The following DPP6 variants were observed in gnomAD, a reference collection of about 807,000 sequenced individuals.
The protein encoded by DPP6 is A-type potassium channel modulatory protein DPP6.
Under a neutral mutation model 122.6 loss-of-function variants are expected in DPP6, and 69 were observed. That is an observed-to-expected ratio of 0.56 (90% CI 0.46 to 0.69). The LOEUF (loss-of-function observed/expected upper bound fraction) is 0.69. Ranked by LOEUF, DPP6 falls within the 30% of genes least tolerant of loss-of-function variation. The probability of loss-of-function intolerance (pLI) is 0.00; values close to 1 mark genes in which losing one functional copy is unlikely to be tolerated. For synonymous variants in DPP6, 418 were observed against 433.1 expected (o/e 0.97, Z 0.43); for missense variants, 928 against 1,116.9 (o/e 0.83, Z 2.41).
intron 1 of DPP6, among the ~76,000 whole-genome samples, chr7:154,002,602 A>G (rs1797737723): frequency 6.6e-6 from 1 of 152,136 alleles, no homozygotes; most frequent in South Asian, 2.1e-4. Context: ...GAGATGGAAT[A>G]TGGGTGGATC....
intron 8 of DPP6, among the ~76,000 whole-genome samples, chr7:154,763,456 T>G (rs1795700841): frequency 6.6e-6 from 1 of 151,182 alleles, no homozygotes; most frequent in Admixed American, 6.6e-5. Flanking sequence ...GAGAGAGAGA[T>G]GAAATAAATA....
At chr7:154,092,628 A>G (rs905204383) in intron 1 of DPP6, 1 of 152,102 alleles carries the variant, frequency 6.6e-6, no homozygotes, top group African/African-American at 2.4e-5. Flanking sequence ...CATCCTATCA[A>G]GAGGCACGTG....
At chr7:153,843,855 C>T in the DPP6 span, among the ~76,000 whole-genome samples, 2 of 152,076 alleles carry the variant, frequency 1.3e-5, no homozygotes, top group Non-Finnish European at 2.9e-5. Context: ...AGAAACAGGA[C>T]GTGAAGCTAG....
intron 10 of DPP6, among the ~76,000 whole-genome samples, chr7:154,784,276 TA>T (rs1797205055): frequency 6.6e-6 from 1 of 151,910 alleles, no homozygotes; most frequent in African/African-American, 2.4e-5. Flanking sequence ...GAGAGAGACC[TA>T]GGACAAGAGT....
intron 1 of DPP6, among the ~76,000 whole-genome samples, chr7:154,254,012 C>T (rs546355026): frequency 9.2e-5 from 14 of 152,192 alleles, no homozygotes; most frequent in African/African-American, 9.7e-5. Context: ...ATCACAAGAA[C>T]GGCAAGAAGG....
chr7:154,620,406 C>T (rs1466537036), intron 5 of DPP6, among the ~76,000 whole-genome samples: 1 of 152,196 alleles, frequency 6.6e-6, no homozygotes, highest in East Asian at 1.9e-4. Flanking sequence ...GATTAAAATT[C>T]ATCTCAAAGG....
intron 1 of DPP6, among the ~76,000 whole-genome samples, chr7:154,111,199 TG>T (rs987207487): frequency 6.6e-6 from 1 of 152,202 alleles, no homozygotes; most frequent in African/African-American, 2.4e-5. Context: ...CCATCATTGA[TG>T]GCACTGTGCA....
chr7:154,735,691 G>A (rs1443462028), intron 8 of DPP6, among the ~76,000 whole-genome samples: 1 of 152,242 alleles, frequency 6.6e-6, no homozygotes, highest in African/African-American at 2.4e-5. Flanking sequence ...TAGAAGTTCA[G>A]TTGGCTCTGA....
intron 1 of DPP6, among the ~76,000 whole-genome samples, chr7:154,319,873 C>T (rs1807778015): frequency 6.6e-6 from 1 of 151,848 alleles, no homozygotes; most frequent in African/African-American, 2.4e-5. Flanking sequence ...TGCCTGTAAT[C>T]CCAGCTACAC....
chr7:153,808,434 TGTGTGTGC>T, the DPP6 span, among the ~76,000 whole-genome samples: 3 of 151,868 alleles, frequency 2.0e-5, no homozygotes, highest in Non-Finnish European at 4.4e-5. Flanking sequence ...TGTGTGACTG[TGTGTGTGC>T]GTGTGTGTGT....
At chr7:154,689,959 T>C (rs991183802) in intron 7 of DPP6, among the ~76,000 whole-genome samples, 4 of 152,182 alleles carry the variant, frequency 2.6e-5, no homozygotes, top group African/African-American at 9.7e-5. Flanking sequence ...GCCATGTTAT[T>C]GTTGCTTTGC....
chr7:154,095,443 C>T (rs972293255), intron 1 of DPP6: 6 of 142,948 alleles, frequency 4.2e-5, no homozygotes, highest in African/African-American at 1.2e-4. Flanking sequence ...TTGGATCTCT[C>T]TGCTTGGAGA....
chr7:154,522,454 G>A (rs182567437), intron 3 of DPP6, among the ~76,000 whole-genome samples: 61 of 152,210 alleles, frequency 4.0e-4, no homozygotes, highest in African/African-American at 1.2e-3. Context: ...TCTCACTTAG[G>A]GTCTTGGAGA....
intron 1 of DPP6, among the ~76,000 whole-genome samples, chr7:154,193,090 GC>G (rs1215666066): frequency 6.6e-6 from 1 of 152,226 alleles, no homozygotes; most frequent in Non-Finnish European, 1.5e-5. Context: ...CCATGGAAGA[GC>G]CAACAAACTA....
At chr7:154,566,409 G>A (rs1289338978) in intron 4 of DPP6, among the ~76,000 whole-genome samples, 2 of 152,008 alleles carry the variant, frequency 1.3e-5, no homozygotes, top group African/African-American at 4.8e-5. Flanking sequence ...AGCCTCCCAA[G>A]TATCTGGGTC....
intron 21 of DPP6, chr7:154,884,217 A>C (rs1214303065): frequency 1.5e-5 from 2 of 135,446 alleles, no homozygotes; most frequent in African/African-American, 2.9e-5. Context: ...ACACGATTAC[A>C]TGCACCTGCT....
intron 6 of DPP6, among the ~76,000 whole-genome samples, chr7:154,668,207 A>ATGTGTGTATATATATATATATG (rs1563082529): frequency 1.2e-5 from 1 of 86,592 alleles, no homozygotes; most frequent in Non-Finnish European, 2.6e-5. Flanking sequence ...TTATATATAT[A>ATGTGTGTATATATATATATATG]TATATATATA....
intron 2 of DPP6, among the ~76,000 whole-genome samples, chr7:154,468,910 G>A (rs1424356803): frequency 1.3e-5 from 2 of 152,128 alleles, no homozygotes; most frequent in Non-Finnish European, 2.9e-5. Context: ...TAAGTCTGGA[G>A]TATAACCATA....
rs563578918 is a variant in DPP6, at chr7:154,241,569, CA to C, written c.243+188514del. Among the ~76,000 whole-genome samples, 2 of 151,540 alleles carry C rather than the reference CA, an allele frequency of 1.3e-5. No homozygotes were observed. On this transcript the variant is annotated intron_variant, in intron 1 of 25. Transcript: ENST00000377770. This position sits in a 1 kb window ranked among gnomAD's most constrained non-coding sequence, Gnocchi z 9.0. ...AGTGAGACCCTGTCTCAAAACAAAA[CA>C]AAAAAAAGATCCAATTCCATCCCCA... is the stretch of plus-strand genomic sequence containing the variant.
Sources: gnomAD v4.1 joint callset for allele counts (sites outside exome capture counted in the v4.1 genomes callset) on GRCh38, gnomAD v4.1.1 for gene constraint, Gnocchi (gnomAD v3.1) non-coding constraint, MANE v1.5 for transcripts, NCBI Gene and HGNC (gene_info 2026-07-23, HGNC 2026-07-21) for gene names.